CHST11: variants seen among roughly 807,000 people sequenced by gnomAD.
The protein encoded by CHST11 is carbohydrate sulfotransferase 11, also known as C4S-1.
In CHST11, 9 loss-of-function variants were observed where a neutral mutation model predicts 30.4. The ratio of observed to expected loss-of-function variants is 0.30; its 90% CI spans 0.18 to 0.52. The LOEUF (loss-of-function observed/expected upper bound fraction) is 0.52. Ranked by LOEUF, CHST11 falls within the 20% of genes least tolerant of loss-of-function variation. The pLI is 0.97. For synonymous variants in CHST11, 152 were observed against 187.8 expected, an observed-to-expected ratio of 0.81 and a Z score of 1.56; for missense variants, 348 against 460.6, an observed-to-expected ratio of 0.76 and a Z score of 2.24.
At chr12:104,632,412 T>C (rs1333882447) in intron 2 of CHST11, among the ~76,000 whole-genome samples, 2 of 152,208 alleles carry the variant, frequency 1.3e-5, no homozygotes, top group African/African-American at 4.8e-5. Context: ...GGTGGAATTC[T>C]GTGCAAGGGA....
chr12:104,697,185 C>G (rs2039955010), intron 2 of CHST11, among the ~76,000 whole-genome samples: 1 of 152,168 alleles, frequency 6.6e-6, no homozygotes, highest in Non-Finnish European at 1.5e-5. Context: ...TTCCCTGGGT[C>G]CTCCTCACTG....
At chr12:104,563,597 G>A (rs1314747242) in intron 1 of CHST11, among the ~76,000 whole-genome samples, 1 of 152,124 alleles carries the variant, frequency 6.6e-6, no homozygotes, top group Non-Finnish European at 1.5e-5. Flanking sequence ...AGTCATAATA[G>A]CCTTTTCATC....
At chr12:104,622,917 C>T (rs2039174257) in intron 2 of CHST11, among the ~76,000 whole-genome samples, 1 of 152,172 alleles carries the variant, frequency 6.6e-6, no homozygotes, top group Non-Finnish European at 1.5e-5. Flanking sequence ...CATGATTGTC[C>T]ATGCATTAAG....
At chr12:104,610,043 C>CTGTGTGTGTGTGTGTGTG (rs56983056) in intron 2 of CHST11, among the ~76,000 whole-genome samples, 1 of 143,080 alleles carries the variant, frequency 7.0e-6, no homozygotes, top group Admixed American at 7.0e-5. Context: ...ATGAGTGCCT[C>CTGTGTGTGTGTGTGTGTG]TGTGTGTGTG....
intron 2 of CHST11, among the ~76,000 whole-genome samples, chr12:104,650,033 G>A (rs1172474562): frequency 1.3e-5 from 2 of 152,352 alleles, no homozygotes; most frequent in East Asian, 1.9e-4. Context: ...CAGATGGATG[G>A]ATGAGAGAAG....
rs775729758 is a variant in CHST11 at position 104,592,953 on chromosome 12, C to T, written c.119-8953C>T. Among the ~76,000 whole-genome samples, 2 of 152,080 alleles carry T rather than the reference C, an allele frequency of 1.3e-5. 1 individual carries two copies. Among genetic ancestry groups the T allele is most frequent in the South Asian group, 4.2e-4 (2 of 4,818 alleles). ...TTGGTGACCCAGTTCTTCTCCTGGC[C>T]GGTAAATATTTTAATGTATACACTA... On this transcript the variant is annotated intron_variant, in intron 1 of 2. Transcript: ENST00000303694.
chr12:104,646,490 T>C (rs1162360298), intron 2 of CHST11, among the ~76,000 whole-genome samples: 1 of 152,058 alleles, frequency 6.6e-6, no homozygotes, highest in African/African-American at 2.4e-5. Context: ...TCCCAGCACT[T>C]TGGGAGGCCG....
chr12:104,600,669 A>C lies in CHST11; in HGVS notation c.119-1237A>C, dbSNP rs10778342. 6.6e-6 allele frequency among the ~76,000 whole-genome samples: 1 copy of C among 152,010 alleles called. No individual in the cohort carries two copies. The highest frequency in any genetic ancestry group is 1.5e-5 in the Non-Finnish European group (1 of 68,018). On this transcript the variant is annotated intron_variant, in intron 1 of 2. Coordinates refer to ENST00000303694, the MANE Select transcript of CHST11 (RefSeq NM_018413.6). This position sits in a 1 kb window ranked among gnomAD's most constrained non-coding sequence, Gnocchi z 4.1. The stretch of plus-strand genomic sequence containing the variant: ...TAGAGCCAGTATTGAAACCCAGGCT[A>C]TCTGTTCCAGGGAATGTCCTGCTGT...
chr12:104,482,010 T>TTG (rs1210088936), intron 1 of CHST11, among the ~76,000 whole-genome samples: 1 of 151,646 alleles, frequency 6.6e-6, no homozygotes, highest in Non-Finnish European at 1.5e-5. Flanking sequence ...GCTAATTTTA[T>TTG]TGTATATATA....
At chr12:104,521,252 A>G (rs535317907) in intron 1 of CHST11, among the ~76,000 whole-genome samples, 2 of 151,940 alleles carry the variant, frequency 1.3e-5, no homozygotes, top group African/African-American at 4.8e-5. Context: ...CCATATAACT[A>G]TTTTCTCCTT....
chr12:104,680,284 G>T (rs772418425), intron 2 of CHST11, among the ~76,000 whole-genome samples: 1 of 152,266 alleles, frequency 6.6e-6, no homozygotes, highest in Non-Finnish European at 1.5e-5. Flanking sequence ...ACACTGGAGT[G>T]ACATGCAAAT....
At chr12:104,702,690 T>C (rs1566044827) in intron 2 of CHST11, among the ~76,000 whole-genome samples, 1 of 152,144 alleles carries the variant, frequency 6.6e-6, no homozygotes, top group African/African-American at 2.4e-5. Context: ...TTCTCTCAGC[T>C]CCTTCCCAGA....
At chr12:104,614,054 C>G (rs1007768530) in intron 2 of CHST11, among the ~76,000 whole-genome samples, 1 of 152,064 alleles carries the variant, frequency 6.6e-6, no homozygotes, top group Non-Finnish European at 1.5e-5. Flanking sequence ...TCTGACTACA[C>G]GAAAAATGAT....
At chr12:104,582,024 G>T (rs1010275754) in intron 1 of CHST11, among the ~76,000 whole-genome samples, 1 of 152,272 alleles carries the variant, frequency 6.6e-6, no homozygotes, top group East Asian at 1.9e-4. Context: ...CGTCATTATC[G>T]TCAGCATCAT....
chr12:104,745,763 G>T (rs1470397449), intron 2 of CHST11, among the ~76,000 whole-genome samples: 1 of 152,178 alleles, frequency 6.6e-6, no homozygotes, highest in Non-Finnish European at 1.5e-5. Context: ...GTATGAGAGT[G>T]CTAGTGATTT....
chr12:104,586,898 C>T (rs915056772), intron 1 of CHST11, among the ~76,000 whole-genome samples: 58 of 152,204 alleles, frequency 3.8e-4, no homozygotes, highest in Admixed American at 3.4e-3. Flanking sequence ...AGGACTTCCC[C>T]AGGTTAACTG....
At chr12:104,637,968 C>A (rs779321789) in intron 2 of CHST11, among the ~76,000 whole-genome samples, 14 of 152,166 alleles carry the variant, frequency 9.2e-5, no homozygotes, top group African/African-American at 1.2e-4. Context: ...GGACTCCTTA[C>A]AAAATTCACC....
intron 1 of CHST11, among the ~76,000 whole-genome samples, chr12:104,485,452 C>T (rs186988123): frequency 1.1e-4 from 16 of 152,300 alleles, no homozygotes; most frequent in African/African-American, 2.6e-4. Flanking sequence ...GAGCGGGGCT[C>T]GGAGGAGCTG....
At chr12:104,460,237 T>A (rs1328392618) in intron 1 of CHST11, among the ~76,000 whole-genome samples, 1 of 152,138 alleles carries the variant, frequency 6.6e-6, no homozygotes, top group Non-Finnish European at 1.5e-5. Flanking sequence ...TGGCACGGAT[T>A]GTGTAGCTAA....
Sources: allele counts gnomAD v4.1 joint callset (sites outside exome capture counted in the v4.1 genomes callset), GRCh38; gene constraint gnomAD v4.1.1; non-coding constraint Gnocchi (gnomAD v3.1); transcripts MANE v1.5; gene names NCBI Gene and HGNC (gene_info 2026-07-23, HGNC 2026-07-21).